Variants in STK38L observed in about 807,000 individuals in gnomAD.
STK38L encodes the protein serine/threonine kinase 38 like, also known as serine/threonine-protein kinase 38-like.
A neutral mutation model predicts 59.7 loss-of-function variants in STK38L; 28 were observed. That is an observed-to-expected ratio of 0.47 (90% CI 0.35 to 0.64). The LOEUF (loss-of-function observed/expected upper bound fraction) is 0.64. Among genes scored for constraint, STK38L ranks in the 30% least tolerant of loss-of-function variants. The pLI, the probability that STK38L is intolerant of heterozygous loss-of-function variation, is 0.01. For missense variants in STK38L, 314 were observed against 555.8 expected, an observed-to-expected ratio of 0.56 and a Z score of 4.37; for synonymous variants, 162 against 176.8, an observed-to-expected ratio of 0.92 and a Z score of 0.66.
Position 27,250,749 on chromosome 12 carries a change from C to A in STK38L, c.-12+6417C>A, listed in dbSNP as rs576349963. Among the ~76,000 whole-genome samples the A allele has an allele frequency of 1.7e-4, 26 of 152,034 alleles. No individual in the cohort carries two copies. The South Asian group carries it at 4.2e-3, about 24-fold the overall frequency. On this transcript the variant is annotated intron_variant, in intron 1 of 13. Coordinates refer to ENST00000389032, the MANE Select transcript of STK38L (RefSeq NM_015000.4). ...GGCGCGGTGACTCACGCCTGTAATC[C>A]CAGCACTTTGGGAGGCCGAGGTGGG...
At chr12:27,245,468 A>G (rs1361905118) in intron 1 of STK38L, among the ~76,000 whole-genome samples, 1 of 152,160 alleles carries the variant, frequency 6.6e-6, no homozygotes. Context: ...CTCTACTTTA[A>G]GGCAGGGCCT....
intron 10 of STK38L, 53 bp downstream of exon 10, chr12:27,317,506 A>G (rs1190367893): frequency 1.3e-5 from 18 of 1,371,132 alleles, no homozygotes; most frequent in Non-Finnish European, 1.8e-5. Flanking sequence ...CTTGAGTGCC[A>G]TTGTTTGAAC....
chr12:27,290,250 A>C (rs556286571), intron 1 of STK38L, among the ~76,000 whole-genome samples: 1 of 152,224 alleles, frequency 6.6e-6, no homozygotes, highest in South Asian at 2.1e-4. Flanking sequence ...GGAAACTGAC[A>C]CACAGAAAGT....
chr12:27,266,232 G>A (rs1404185018), intron 1 of STK38L, among the ~76,000 whole-genome samples: 1 of 152,110 alleles, frequency 6.6e-6, no homozygotes, highest in Non-Finnish European at 1.5e-5. Flanking sequence ...TAAAATAAAT[G>A]TGCATCTTTT....
chr12:27,254,512 A>G (rs888479317), intron 1 of STK38L, among the ~76,000 whole-genome samples: 2 of 152,086 alleles, frequency 1.3e-5, no homozygotes, highest in Non-Finnish European at 2.9e-5. Context: ...AGCACTACAG[A>G]TTTCTTTTTT....
intron 5 of STK38L, among the ~76,000 whole-genome samples, chr12:27,311,240 T>A (rs1244662088): frequency 6.6e-6 from 1 of 152,240 alleles, no homozygotes; most frequent in Non-Finnish European, 1.5e-5. Context: ...TAGGCACTCT[T>A]GCTACCACTT....
At chr12:27,311,322 A>G (rs1223349303) in intron 5 of STK38L, among the ~76,000 whole-genome samples, 1 of 152,110 alleles carries the variant, frequency 6.6e-6, no homozygotes, top group Non-Finnish European at 1.5e-5. Flanking sequence ...TTACTCCTCA[A>G]CTCTTACGCT....
At chr12:27,247,088 G>A (rs911325979) in intron 1 of STK38L, among the ~76,000 whole-genome samples, 5 of 152,240 alleles carry the variant, frequency 3.3e-5, no homozygotes, top group African/African-American at 1.2e-4. Context: ...GATGATTTAA[G>A]TGATCTAGTC....
intron 1 of STK38L, among the ~76,000 whole-genome samples, chr12:27,264,163 A>G (rs1943256814): frequency 6.6e-6 from 1 of 152,228 alleles, no homozygotes; most frequent in African/African-American, 2.4e-5. Context: ...GGGATGGTAG[A>G]AAAAGGAAAG....
At chr12:27,277,943 G>A (rs1943573072) in intron 1 of STK38L, among the ~76,000 whole-genome samples, 1 of 152,200 alleles carries the variant, frequency 6.6e-6, no homozygotes, top group South Asian at 2.1e-4. Flanking sequence ...TTTCCGTGAT[G>A]TCAGGAAACT....
intron 1 of STK38L, among the ~76,000 whole-genome samples, chr12:27,283,352 A>C (rs1943700963): frequency 6.6e-6 from 1 of 152,218 alleles, no homozygotes; most frequent in South Asian, 2.1e-4. Context: ...TATTCTAAGG[A>C]CTTTAACACA....
chr12:27,303,688 A>AT (rs1318060342), intron 3 of STK38L, among the ~76,000 whole-genome samples: 1 of 152,126 alleles, frequency 6.6e-6, no homozygotes, highest in African/African-American at 2.4e-5. Flanking sequence ...TATAGAGAAG[A>AT]TTTTTCCTCT....
intron 1 of STK38L, among the ~76,000 whole-genome samples, chr12:27,279,104 C>A (rs377232382): frequency 6.6e-6 from 1 of 152,134 alleles, no homozygotes; most frequent in African/African-American, 2.4e-5. Context: ...ATGATTTCTA[C>A]TGAATGTGCC....
intron 1 of STK38L, among the ~76,000 whole-genome samples, chr12:27,292,823 C>G (rs1465012289): frequency 1.3e-5 from 2 of 152,178 alleles, no homozygotes; most frequent in Non-Finnish European, 2.9e-5. Flanking sequence ...TGGAGTAAAA[C>G]TCATTACAAC....
chr12:27,304,067 G>A (rs1944246198), intron 3 of STK38L, among the ~76,000 whole-genome samples: 1 of 151,978 alleles, frequency 6.6e-6, no homozygotes, highest in South Asian at 2.1e-4. Context: ...TTCAAGATCA[G>A]CCTGGGAAAT....
At chr12:27,252,275 G>A (rs146386979) in intron 1 of STK38L, among the ~76,000 whole-genome samples, 69 of 152,216 alleles carry the variant, frequency 4.5e-4, no homozygotes, top group African/African-American at 1.5e-3. Flanking sequence ...CACCATGCCC[G>A]GCCTACAAAA....
rs1944758345 is a variant in STK38L, at chr12:27,322,639, G to T, written c.*184G>T. On this transcript the variant is annotated 3_prime_UTR_variant, in exon 14 of 14. Coordinates refer to ENST00000389032, the MANE Select transcript of STK38L (RefSeq NM_015000.4). ...AGGAATTGGTTGGCAGTGCCAGCTG[G>T]CTCTTTTTTTTAATATTTTATTATT... The T allele has an allele frequency of 3.2e-6, 2 of 624,942 alleles. No individual in the cohort carries two copies. The highest frequency in any genetic ancestry group is 4.8e-6 in the Non-Finnish European group (2 of 418,066). 38.7% of individuals were successfully genotyped at this position (624,942 alleles called of 1,614,324 possible).
intron 1 of STK38L, among the ~76,000 whole-genome samples, chr12:27,257,271 C>A (rs1208897779): frequency 3.9e-5 from 6 of 152,190 alleles, no homozygotes; most frequent in Non-Finnish European, 5.9e-5. Flanking sequence ...GTCACTAAGT[C>A]AGGATAACCT....
At chr12:27,275,504 A>C (rs2136621506) in intron 1 of STK38L, among the ~76,000 whole-genome samples, 1 of 151,658 alleles carries the variant, frequency 6.6e-6, no homozygotes, top group South Asian at 2.1e-4. Flanking sequence ...CGCCTGGCTA[A>C]TTTTTTAGTA....
Sources: gnomAD v4.1 joint callset for allele counts (sites outside exome capture counted in the v4.1 genomes callset) on GRCh38, gnomAD v4.1.1 for gene constraint, MANE v1.5 for transcripts, NCBI Gene and HGNC (gene_info 2026-07-23, HGNC 2026-07-21) for gene names.